ATP11C: variants seen among roughly 807,000 people sequenced by gnomAD.
ATP11C encodes ATPase phospholipid transporting 11C (ATP11C blood group), also known as phospholipid-transporting ATPase IG.
ATP11C carries 36 observed loss-of-function variants against 97.4 expected under a neutral mutation model. The ratio of observed to expected loss-of-function variants is 0.37; its 90% CI spans 0.28 to 0.49. The LOEUF (loss-of-function observed/expected upper bound fraction) is 0.49. ATP11C is among the 20% of genes least tolerant of loss of function. The pLI, the probability that ATP11C is intolerant of heterozygous loss-of-function variation, is 0.98. For missense variants in ATP11C, 730 were observed against 824.6 expected, an observed-to-expected ratio of 0.89 and a Z score of 1.40; for synonymous variants, 275 against 290.9, an observed-to-expected ratio of 0.95 and a Z score of 0.56.
chrX:139,813,861 T>TATGTATATTTGTACATATGTACAA (rs2083228804), intron 5 of ATP11C, among the ~76,000 whole-genome samples: 1 of 111,463 alleles, frequency 9.0e-6, no homozygotes, highest in South Asian at 3.8e-4. Context: ...AAATGTAGGC[T>TATGTATATTTGTACATATGTACAA]ATGTGGATAT....
chrX:139,923,093 CT>C (rs1313420070), intron 1 of ATP11C, among the ~76,000 whole-genome samples: 6 of 111,910 alleles, frequency 5.4e-5, no homozygotes, highest in Non-Finnish European at 9.4e-5. Context: ...ACCTGTTATA[CT>C]TTTTTTTATA....
intron 1 of ATP11C, among the ~76,000 whole-genome samples, chrX:139,847,013 T>C (rs1449775808): frequency 1.8e-5 from 2 of 110,593 alleles, no homozygotes; most frequent in African/African-American, 3.3e-5. Flanking sequence ...CTGATCTACT[T>C]ACTGCTCTGG....
At chrX:139,868,097 C>T (rs5953791) in intron 1 of ATP11C, among the ~76,000 whole-genome samples, 6,468 of 111,739 alleles carry the variant, frequency 0.058, 441 homozygotes, top group African/African-American at 0.2. Flanking sequence ...TGCATATCTA[C>T]ATCCAAAGGA....
Position 139,932,255 on chromosome X carries a change from G to A in ATP11C, c.-213C>T. The stretch of plus-strand genomic sequence containing the variant: ...CTAGCCGCCGCCCCGCCTCACTCGC[G>A]GCCCGCCCCCGGCCTGCCTGACCCG... On this transcript the variant is annotated 5_prime_UTR_variant, in exon 1 of 30. Transcript: ENST00000682941. 1 of 128,501 alleles carries A rather than the reference G, an allele frequency of 7.8e-6. No individual in the cohort carries two copies. The highest frequency in any genetic ancestry group is 1.4e-5 in the Non-Finnish European group (1 of 70,420). The allele number at this position is 128,501 out of a possible 1,213,427, so 10.6% of individuals were successfully genotyped here. A position where few individuals can be genotyped will look rare whatever the true frequency, so the allele number is the denominator to read the frequency against.
chrX:139,795,203 G>C (rs2082768074), intron 12 of ATP11C, among the ~76,000 whole-genome samples: 1 of 111,767 alleles, frequency 8.9e-6, no homozygotes, highest in African/African-American at 3.3e-5. Context: ...ATCTACACAG[G>C]ATGTAGACTC....
intron 1 of ATP11C, among the ~76,000 whole-genome samples, chrX:139,833,521 G>GA (rs1470526528): frequency 5.5e-5 from 6 of 109,040 alleles, no homozygotes; most frequent in East Asian, 2.9e-4. Flanking sequence ...CTGTCTCTAC[G>GA]AAAAAAAAAT....
chrX:139,757,805 A>G lies in ATP11C; in HGVS notation c.2700+3T>C. 1 of 1,176,884 alleles carries G rather than the reference A, an allele frequency of 8.5e-7. No individual in the cohort carries two copies. Among genetic ancestry groups the G allele is most frequent in the Non-Finnish European group, 1.1e-6 (1 of 873,206 alleles). Reference sequence around the variant, plus strand: ...ATTATAACGAATAACTTGAGAAACAAACCTGTTGTGAGAATCCACAGAAGA... The same window carrying G: ...ATTATAACGAATAACTTGAGAAACAGACCTGTTGTGAGAATCCACAGAAGA... On this transcript the variant is annotated splice_donor_region_variant and intron_variant, in intron 23 of 29. Coordinates refer to ENST00000682941, the MANE Select transcript of ATP11C (RefSeq NM_001353812.2).
intron 1 of ATP11C, among the ~76,000 whole-genome samples, chrX:139,900,536 A>C (rs900624716): frequency 8.9e-6 from 1 of 111,797 alleles, no homozygotes; most frequent in Non-Finnish European, 1.9e-5. Context: ...TCCTGGACTT[A>C]TATGGCAGTA....
chrX:139,833,409 C>A (rs1004105923), intron 1 of ATP11C, among the ~76,000 whole-genome samples: 1 of 111,450 alleles, frequency 9.0e-6, no homozygotes, highest in African/African-American at 3.3e-5. Flanking sequence ...GGGCGGGGGG[C>A]GCATTCTTCC....
upstream of ATP11C, among the ~76,000 whole-genome samples, chrX:139,934,137 T>C (rs886083734): frequency 9.0e-6 from 1 of 111,651 alleles, no homozygotes; most frequent in Non-Finnish European, 1.9e-5. Flanking sequence ...CAGGACAAAC[T>C]AAGAAAGAGA....
intron 2 of ATP11C, among the ~76,000 whole-genome samples, chrX:139,821,355 C>T (rs1003716348): frequency 8.9e-6 from 1 of 112,046 alleles, no homozygotes; most frequent in Admixed American, 9.5e-5. Context: ...CACTCAAAAC[C>T]ACTGATCCAG....
At position 139,796,196 on chromosome X, in the gene ATP11C, A is replaced by G; in HGVS notation, c.1206+77T>C. The G allele has an allele frequency of 7.8e-6, 6 of 771,770 alleles. No homozygotes were observed. The South Asian group carries it at 1.6e-4, about 20-fold the overall frequency. 63.6% of individuals were successfully genotyped at this position (771,770 alleles called of 1,213,427 possible). A position where few individuals can be genotyped will look rare whatever the true frequency, so the allele number is the denominator to read the frequency against. On this transcript the variant is annotated intron_variant, in intron 12 of 29. Coordinates refer to ENST00000682941, the MANE Select transcript of ATP11C (RefSeq NM_001353812.2). ...TTTTCCAAATGTGACATGGTCACAT[A>G]TATTGGTAATCCAGACTACACAAAA...
At chrX:139,731,972 T>C (rs1299500534) in intron 28 of ATP11C, among the ~76,000 whole-genome samples, 2 of 111,856 alleles carry the variant, frequency 1.8e-5, no homozygotes, top group African/African-American at 3.2e-5. Flanking sequence ...GTTTTTGTGG[T>C]AGAAGTAAAC....
chrX:139,891,688 T>A (rs192828226), intron 1 of ATP11C, among the ~76,000 whole-genome samples: 68 of 112,109 alleles, frequency 6.1e-4, no homozygotes, highest in African/African-American at 2.0e-3. Context: ...AATAAATAAA[T>A]GAATGCATTG....
intron 7 of ATP11C, among the ~76,000 whole-genome samples, chrX:139,801,121 T>C (rs2082919221): frequency 8.9e-6 from 1 of 112,523 alleles, no homozygotes; most frequent in Admixed American, 9.4e-5. Context: ...CCTATCATTC[T>C]CCTTCATACT....
intron 24 of ATP11C, among the ~76,000 whole-genome samples, chrX:139,746,884 G>A (rs745738508): frequency 9.0e-6 from 1 of 111,540 alleles, no homozygotes; most frequent in Non-Finnish European, 1.9e-5. Context: ...CATACTTGTC[G>A]CTAATACTAC....
At chrX:139,883,509 T>C (rs1364110257) in intron 1 of ATP11C, among the ~76,000 whole-genome samples, 1 of 111,392 alleles carries the variant, frequency 9.0e-6, no homozygotes, top group African/African-American at 3.3e-5. Context: ...GTTAACCAAA[T>C]CAATGAAATT....
intron 1 of ATP11C, among the ~76,000 whole-genome samples, chrX:139,872,488 T>G (rs1237279555): frequency 9.1e-6 from 1 of 109,631 alleles, no homozygotes; most frequent in Admixed American, 9.8e-5. Context: ...ATTAGGTATA[T>G]CTCCCTAATG....
rs144891607 is a variant in ATP11C, at chrX:139,907,979, T to A, written c.27+24037A>T. Among the ~76,000 whole-genome samples the A allele has an allele frequency of 3.3e-3, 365 of 111,072 alleles. 2 individuals are homozygous for A. The highest frequency in any genetic ancestry group is 0.011 in the African/African-American group (340 of 30,606). On this transcript the variant is annotated intron_variant, in intron 1 of 29. Coordinates refer to ENST00000682941, the MANE Select transcript of ATP11C (RefSeq NM_001353812.2). ...CATCCCTACCAAGTAGAACAGTGTC[T>A]GGCATGTGATAGGATACTCAATAAA...
Sources: allele counts gnomAD v4.1 joint callset (sites outside exome capture counted in the v4.1 genomes callset), GRCh38; gene constraint gnomAD v4.1.1; transcripts MANE v1.5; gene names NCBI Gene and HGNC (gene_info 2026-07-23, HGNC 2026-07-21).